TAB1: variants seen among roughly 807,000 people sequenced by gnomAD.
TAB1 encodes the protein TGF-beta-activated kinase 1 and MAP3K7-binding protein 1.
Under a neutral mutation model 54.5 loss-of-function variants are expected in TAB1, and 30 were observed. The ratio of observed to expected loss-of-function variants is 0.55; its 90% CI spans 0.41 to 0.75. The LOEUF (loss-of-function observed/expected upper bound fraction) is 0.75, where lower values mean the gene tolerates loss of function less well. TAB1 is among the 30% of genes least tolerant of loss of function. The pLI is 0.00. For synonymous variants in TAB1, 289 were observed against 286.9 expected, an observed-to-expected ratio of 1.01 and a Z score of -0.07; for missense variants, 609 against 683.2, an observed-to-expected ratio of 0.89 and a Z score of 1.21.
At chr22:39,427,314 G>T (rs1347515521) in intron 9 of TAB1, among the ~76,000 whole-genome samples, 2 of 152,234 alleles carry the variant, frequency 1.3e-5, no homozygotes, top group African/African-American at 4.8e-5. Flanking sequence ...CTGTTTTCCA[G>T]AGAGGGAAAC....
chr22:39,433,586 GCCATCCTCA>G, downstream of TAB1: 1 of 985,442 alleles, frequency 1.0e-6, no homozygotes, highest in Non-Finnish European at 1.2e-6. Context: ...GCACCCGTGA[GCCATCCTCA>G]CTAGGAGTTG....
intron 1 of TAB1, among the ~76,000 whole-genome samples, chr22:39,411,782 T>G (rs567004447): frequency 6.6e-6 from 1 of 152,344 alleles, no homozygotes; most frequent in East Asian, 1.9e-4. Flanking sequence ...ACATGAATGT[T>G]TATAGCATAT....
chr22:39,419,621 A>C lies in TAB1; in HGVS notation c.767A>C (p.Asp256Ala). The C allele has an allele frequency of 6.2e-7, 1 of 1,608,910 alleles. No homozygotes were observed. Among genetic ancestry groups the C allele is most frequent in the Non-Finnish European group, 8.5e-7 (1 of 1,176,534 alleles). The change falls in exon 7 of 11, where the codon GAC becomes GCC. Residue 256 changes from aspartate to alanine, a missense_variant. Physicochemically the swap from Asp to Ala is moderately radical, Grantham distance 126. Coordinates refer to ENST00000216160, the MANE Select transcript of TAB1 (RefSeq NM_006116.3). ...YKVKYGYTDIDLLSAAKSKPI... is the reference protein window; with the variant it reads ...YKVKYGYTDIALLSAAKSKPI... Reference sequence around the variant, plus strand: ...GTTAAATATGGCTACACGGACATTGACCTTCTCAGGTAGGTGCCAGCCCAG... The same window carrying C: ...GTTAAATATGGCTACACGGACATTGCCCTTCTCAGGTAGGTGCCAGCCCAG...
downstream of TAB1, chr22:39,431,958 A>C (rs1337537080): frequency 3.5e-6 from 3 of 853,392 alleles, no homozygotes; most frequent in East Asian, 3.7e-4. Context: ...ACTGCCCTGG[A>C]GGTTCAAGAA....
chr22:39,431,299 C>T lies in TAB1; in HGVS notation c.*1077C>T. The T allele has an allele frequency of 7.1e-6, 7 of 985,528 alleles. No homozygotes were observed. Among genetic ancestry groups the T allele is most frequent in the Non-Finnish European group, 8.4e-6 (7 of 830,036 alleles). 61.0% of individuals were successfully genotyped at this position (985,528 alleles called of 1,614,324 possible). Reference sequence around the variant, plus strand: ...CTCTGCCTTCAGTGGGGAGGGGGTGCCACCAGGGCTGTCGGCCAGGATTGC... The same window carrying T: ...CTCTGCCTTCAGTGGGGAGGGGGTGTCACCAGGGCTGTCGGCCAGGATTGC... On this transcript the variant is annotated 3_prime_UTR_variant, in exon 11 of 11. Transcript: ENST00000216160.
Position 39,415,225 on chromosome 22 carries a change from T to G in TAB1, c.170+83T>G. On this transcript the variant is annotated intron_variant, in intron 2 of 10. Coordinates refer to ENST00000216160, the MANE Select transcript of TAB1 (RefSeq NM_006116.3). The surrounding 1 kb of genome is among the most constrained non-coding windows in gnomAD (Gnocchi z 4.9). The stretch of plus-strand genomic sequence containing the variant: ...GAAAGACACCGACCTTGCAGCTTTC[T>G]CGTATGGGCTTGCCAGTGACATGTG... 6.7e-7 allele frequency: 1 copy of G among 1,482,960 alleles called. No individual in the cohort carries two copies. Among genetic ancestry groups the G allele is most frequent in the Non-Finnish European group, 9.1e-7 (1 of 1,103,504 alleles). The allele number at this position is 1,482,960 out of a possible 1,614,324, so 91.9% of individuals were successfully genotyped here.
At chr22:39,424,595 C>G (rs1236099946) in intron 8 of TAB1, among the ~76,000 whole-genome samples, 1 of 151,910 alleles carries the variant, frequency 6.6e-6, no homozygotes, top group African/African-American at 2.4e-5. Flanking sequence ...CAGGCATGTG[C>G]CACCACCACA....
chr22:39,430,025 A>G lies in TAB1; in HGVS notation c.1318A>G (p.Thr440Ala). Reference sequence around the variant, plus strand: ...CCTGTTGTCCTGCAGCCAAAGCCCGACCTTAACCCTGCAGTCCACCAACAC... The same window carrying G: ...CCTGTTGTCCTGCAGCCAAAGCCCGGCCTTAACCCTGCAGTCCACCAACAC... ...ATPTLTNQSP[T>A]LTLQSTNTHT... is the part of the protein sequence containing the mutation. Residue 440 changes from threonine to alanine, a missense_variant, in exon 11 of 11, where the codon ACC becomes GCC. Transcript: ENST00000216160. The G allele has an allele frequency of 6.2e-7, 1 of 1,613,154 alleles. No homozygotes were observed. Among genetic ancestry groups the G allele is most frequent in the African/African-American group, 1.3e-5 (1 of 74,962 alleles).
At chr22:39,422,783 A>C (rs1927153354) in intron 8 of TAB1, among the ~76,000 whole-genome samples, 1 of 152,114 alleles carries the variant, frequency 6.6e-6, no homozygotes, top group African/African-American at 2.4e-5. Flanking sequence ...ACAGGCCCTC[A>C]GCCAAGAGTT....
intron 1 of TAB1, among the ~76,000 whole-genome samples, chr22:39,404,965 A>G (rs938750813): frequency 6.6e-6 from 1 of 152,072 alleles, no homozygotes; most frequent in Non-Finnish European, 1.5e-5. Context: ...TTTGGAGAGA[A>G]AGGTCTGCTG....
intron 8 of TAB1, 50 bp downstream of exon 8, chr22:39,422,021 A>C (rs762412866): frequency 6.8e-7 from 1 of 1,463,030 alleles, no homozygotes; most frequent in Non-Finnish European, 9.1e-7. Context: ...GCTGGCCTGC[A>C]TGGTGATGTG....
chr22:39,403,933 C>G (rs929901822), intron 1 of TAB1, among the ~76,000 whole-genome samples: 1 of 152,094 alleles, frequency 6.6e-6, no homozygotes. Context: ...CGTGAGCCAC[C>G]GTGCCCGGCC....
At chr22:39,402,269 G>A (rs890568448) in intron 1 of TAB1, among the ~76,000 whole-genome samples, 13 of 152,232 alleles carry the variant, frequency 8.5e-5, no homozygotes, top group African/African-American at 2.6e-4. Flanking sequence ...TCCTGCCTTC[G>A]CCTCCCAAAG....
In TAB1 at chr22:39,415,272, C is replaced by A; in HGVS notation, c.170+130C>A. The A allele has an allele frequency of 8.0e-7, 1 of 1,244,560 alleles. No individual in the cohort carries two copies. The highest frequency in any genetic ancestry group is 1.5e-5 in the African/African-American group (1 of 66,570). 77.1% of individuals were successfully genotyped at this position (1,244,560 alleles called of 1,614,324 possible). ...TGTGGCCCGTGAGAGGTGGCCTCTG[C>A]TGCTGTCTTGCCAAGGGCCTGCTCT... On this transcript the variant is annotated intron_variant, in intron 2 of 10. Transcript: ENST00000216160. The surrounding 1 kb of genome is among the most constrained non-coding windows in gnomAD (Gnocchi z 4.9).
At position 39,415,474 on chromosome 22, in the gene TAB1, C is replaced by T; in HGVS notation, c.171-26C>T. On this transcript the variant is annotated intron_variant, in intron 2 of 10. Transcript: ENST00000216160. The surrounding 1 kb of genome is among the most constrained non-coding windows in gnomAD (Gnocchi z 4.9). ...CCTCCGTGAGACCCTGGTCTCAGGC[C>T]TCCCTCTGCCCTCTCCCTCTTCCAG... The T allele has an allele frequency of 6.2e-7, 1 of 1,604,240 alleles. No homozygotes were observed. Among genetic ancestry groups the T allele is most frequent in the Non-Finnish European group, 8.5e-7 (1 of 1,171,604 alleles).
intron 8 of TAB1, among the ~76,000 whole-genome samples, chr22:39,425,919 C>T (rs1927313809): frequency 6.7e-6 from 1 of 148,314 alleles, no homozygotes; most frequent in Non-Finnish European, 1.5e-5. Flanking sequence ...GTTGGCCAGG[C>T]TGGTCTCGGC....
At chr22:39,434,229 C>G (rs1927700927), downstream of TAB1, among the ~76,000 whole-genome samples, 1 of 152,244 alleles carries the variant, frequency 6.6e-6, no homozygotes, top group Non-Finnish European at 1.5e-5. Context: ...GTGACGGGAG[C>G]GTTAGCCGAG....
chr22:39,403,584 G>A (rs1249978815), intron 1 of TAB1, among the ~76,000 whole-genome samples: 1 of 152,064 alleles, frequency 6.6e-6, no homozygotes, highest in Non-Finnish European at 1.5e-5. Context: ...CTTTCATGGG[G>A]AGCAGATTGA....
chr22:39,424,438 C>CTTTTT (rs762665225), intron 8 of TAB1, among the ~76,000 whole-genome samples: 168 of 89,384 alleles, frequency 1.9e-3, no homozygotes, highest in Non-Finnish European at 2.2e-3. Flanking sequence ...GTTCTGATTT[C>CTTTTT]TTTTTTTTTT....
Sources: gnomAD v4.1 joint callset for allele counts (sites outside exome capture counted in the v4.1 genomes callset) on GRCh38, gnomAD v4.1.1 for gene constraint, Gnocchi (gnomAD v3.1) non-coding constraint, MANE v1.5 for transcripts, NCBI Gene and HGNC (gene_info 2026-07-23, HGNC 2026-07-21) for gene names.